Variants in STRIP2 observed in about 807,000 individuals in gnomAD.
STRIP2 encodes the protein striatin-interacting protein 2.
In STRIP2, 84 loss-of-function variants were observed where a neutral mutation model predicts 107.1. The ratio of observed to expected loss-of-function variants is 0.78; its 90% CI spans 0.66 to 0.94. The LOEUF is 0.94. Among genes scored for constraint, STRIP2 ranks in the 40% least tolerant of loss-of-function variants. The pLI, the probability that STRIP2 is intolerant of heterozygous loss-of-function variation, is 0.00. For synonymous variants in STRIP2, 394 were observed against 400.4 expected, an observed-to-expected ratio of 0.98 and a Z score of 0.19; for missense variants, 888 against 1,034.2, an observed-to-expected ratio of 0.86 and a Z score of 1.94.
Position 129,458,593 on chromosome 7 carries a change from C to A in STRIP2, c.1275-119C>A. On this transcript the variant is annotated intron_variant, in intron 10 of 20. Coordinates refer to ENST00000249344, the MANE Select transcript of STRIP2 (RefSeq NM_020704.3). The surrounding 1 kb of genome is among the most constrained non-coding windows in gnomAD (Gnocchi z 4.6). ...GGTTTGAAATTCCTTCTGTTGATTG[C>A]TGCCTTTTTCCACTGCTCCAGTCCT... 7.7e-7 allele frequency: 1 copy of A among 1,301,392 alleles called. No individual in the cohort carries two copies. 80.6% of individuals were successfully genotyped at this position (1,301,392 alleles called of 1,614,324 possible).
chr7:129,450,505 A>G (rs1267754320), intron 3 of STRIP2, among the ~76,000 whole-genome samples: 2 of 152,192 alleles, frequency 1.3e-5, no homozygotes, highest in South Asian at 2.1e-4. Context: ...ATTCTCAGAC[A>G]TTCTCATCCA....
In STRIP2 at chr7:129,486,996, C is replaced by CTTTT. The variant is rs544536095; in HGVS notation, c.*1198_*1201dup. 4.5e-4 allele frequency: 24 copies of CTTTT among 53,208 alleles called. 2 individuals are homozygous for CTTTT. The highest frequency in any genetic ancestry group is 5.7e-4 in the Non-Finnish European group (18 of 31,798). The allele number at this position is 53,208 out of a possible 1,614,324, so 3.3% of individuals were successfully genotyped here. A position where few individuals can be genotyped will look rare whatever the true frequency, so the allele number is the denominator to read the frequency against. On this transcript the variant is annotated 3_prime_UTR_variant, in exon 21 of 21. Transcript: ENST00000249344. ...TTTCTGATTTAGTTAGGATCATATGCTTTTTTTTTTTTTTTTTTTTTTTTT... is the reference window on the plus strand; with the variant it reads ...TTTCTGATTTAGTTAGGATCATATGCTTTTTTTTTTTTTTTTTTTTTTTTTTTTT...
At chr7:129,448,935 C>T (rs1356193389) in intron 3 of STRIP2, among the ~76,000 whole-genome samples, 2 of 152,208 alleles carry the variant, frequency 1.3e-5, no homozygotes, top group Non-Finnish European at 2.9e-5. Context: ...CTGCTGGACC[C>T]TCCCAGCTGG....
intron 3 of STRIP2, among the ~76,000 whole-genome samples, chr7:129,444,440 A>ATCTCTCCTT (rs1381838431): frequency 6.6e-6 from 1 of 152,130 alleles, no homozygotes; most frequent in Admixed American, 6.5e-5. Flanking sequence ...GGCTAGGCCC[A>ATCTCTCCTT]TCTCTCCTTT....
Position 129,480,749 on chromosome 7 carries a change from A to G in STRIP2, c.1945-36A>G, listed in dbSNP as rs371805067. On this transcript the variant is annotated intron_variant, in intron 18 of 20. Coordinates refer to ENST00000249344, the MANE Select transcript of STRIP2 (RefSeq NM_020704.3). Reference sequence around the variant, plus strand: ...GCTTCTGTGGGAATTAAAGCCTTGTAGGTATTAAGATAATGATGGATGTTC... The same window carrying G: ...GCTTCTGTGGGAATTAAAGCCTTGTGGGTATTAAGATAATGATGGATGTTC... 1.8e-4 allele frequency: 273 copies of G among 1,548,438 alleles called. 2 individuals carry two copies. The Middle Eastern group carries it at 8.7e-3, about 49-fold the overall frequency.
At chr7:129,434,704 G>T (rs1198678162) in intron 1 of STRIP2, 103 bp downstream of exon 1, 37 of 1,321,364 alleles carry the variant, frequency 2.8e-5, no homozygotes, top group Non-Finnish European at 3.4e-5. Flanking sequence ...CGGCGCGCTC[G>T]ATCAGCCCCG....
Position 129,459,586 on chromosome 7 carries a change from TG to T in STRIP2, c.1404+10del. On this transcript the variant is annotated splice_region_variant and intron_variant, in intron 12 of 20. Transcript: ENST00000249344. ...GTGTGAAGACCCTAAAGCAGGTGACTGGGGTGGGCTCTCAGTCTTCAGGGAT... is the reference window on the plus strand; with the variant it reads ...GTGTGAAGACCCTAAAGCAGGTGACTGGGTGGGCTCTCAGTCTTCAGGGAT... The T allele has an allele frequency of 6.2e-7, 1 of 1,613,254 alleles. No homozygotes were observed. The highest frequency in any genetic ancestry group is 8.5e-7 in the Non-Finnish European group (1 of 1,179,286).
chr7:129,467,365 C>T lies in STRIP2; in HGVS notation c.1792C>T (p.Gln598Ter). ...NHIYQFEYVS[Q>*]HLVFANCIPL... is the part of the protein sequence containing the mutation. ...TTTAATTCAGTTTGAATATGTATCG[C>T]AACATTTGGTATTTGCCAACTGCAT... The change falls in exon 17 of 21, where the codon CAA (glutamine) becomes TAA (stop). Residue 598 changes from glutamine to a stop codon, truncating the protein, a stop_gained. Coordinates refer to ENST00000249344, the MANE Select transcript of STRIP2 (RefSeq NM_020704.3). LOFTEE classifies it high-confidence loss of function. 6.2e-7 allele frequency: 1 copy of T among 1,613,336 alleles called. No homozygotes were observed.
In STRIP2 at chr7:129,456,735, A is replaced by G. The variant is rs2151000599; in HGVS notation, c.1038+93A>G. The stretch of plus-strand genomic sequence containing the variant: ...TGGGTGTGGTAGGAAAAAGCAGTAA[A>G]TGACCCGGCTCATCCTGCCCAGGTT... On this transcript the variant is annotated intron_variant, in intron 9 of 20. Transcript: ENST00000249344. 4.9e-6 allele frequency: 6 copies of G among 1,226,344 alleles called. No homozygotes were observed. The East Asian group carries it at 1.5e-4, about 31-fold the overall frequency. 76.0% of individuals were successfully genotyped at this position (1,226,344 alleles called of 1,614,324 possible). A position where few individuals can be genotyped will look rare whatever the true frequency, so the allele number is the denominator to read the frequency against.
Position 129,458,281 on chromosome 7 carries a change from C to A in STRIP2, c.1105C>A (p.Pro369Thr), listed in dbSNP as rs867494487. Residue 369 changes from proline (P) to threonine (T), a missense_variant, in exon 10 of 21, where the codon CCC (proline) becomes ACC (threonine). Pro to Thr is a conservative substitution (Grantham distance 38). Transcript: ENST00000249344. The surrounding 1 kb of genome is among the most constrained non-coding windows in gnomAD (Gnocchi z 4.6). ...AAGGGATCTCTTCAAGACTGAGGAG[C>A]CCGCCACAGAGGAGGAAGAGGAGTC... ...NERDLFKTEEPATEEEEESAG... is the reference protein window; with the variant it reads ...NERDLFKTEETATEEEEESAG... The A allele has an allele frequency of 6.2e-7, 1 of 1,614,182 alleles. No individual in the cohort carries two copies.
intron 13 of STRIP2, among the ~76,000 whole-genome samples, chr7:129,460,899 A>G (rs1161376913): frequency 6.6e-6 from 1 of 152,256 alleles, no homozygotes; most frequent in Non-Finnish European, 1.5e-5. Flanking sequence ...AGGACCTGTA[A>G]GCAAAGGTAG....
chr7:129,440,402 C>T lies in STRIP2; in HGVS notation c.199+311C>T, dbSNP rs951656754. 1.2e-4 allele frequency among the ~76,000 whole-genome samples: 18 copies of T among 152,172 alleles called. 1 individual carries two copies. The highest frequency in any genetic ancestry group is 4.3e-4 in the African/African-American group (18 of 41,528). On this transcript the variant is annotated intron_variant, in intron 2 of 20. Transcript: ENST00000249344. ...CTCAAATCAGTTTTCTCTCCATCTT[C>T]TCCATATTCCTTCTCTTTTTCTCTT... is the stretch of plus-strand genomic sequence containing the variant.
intron 16 of STRIP2, 138 bp downstream of exon 16, chr7:129,464,876 C>A: frequency 8.9e-7 from 1 of 1,129,164 alleles, no homozygotes; most frequent in Non-Finnish European, 1.3e-6. Context: ...GGAATCCAGC[C>A]ACCCATTGCA....
Position 129,455,329 on chromosome 7 carries a change from C to G in STRIP2, c.792C>G (p.Phe264Leu). 1.2e-6 allele frequency: 2 copies of G among 1,613,926 alleles called. No homozygotes were observed. Among genetic ancestry groups the G allele is most frequent in the East Asian group, 2.2e-5 (1 of 44,858 alleles). The change falls in exon 8 of 21, where the codon TTC becomes TTG. Residue 264 changes from phenylalanine to leucine, a missense_variant. By Grantham distance (22) the Phe-to-Leu change is conservative (BLOSUM62 0). Coordinates refer to ENST00000249344, the MANE Select transcript of STRIP2 (RefSeq NM_020704.3). ...TCTGCAGTGGCCTGGCTCCTCACTT[C>G]CCCATAAAGAAGGTCCTGCTCCTGC... The part of the protein sequence containing the change: ...TKFCSGLAPH[F>L]PIKKVLLLLW...
intron 15 of STRIP2, 75 bp from the exon 16 acceptor site, chr7:129,464,537 A>C (rs1798623758): frequency 6.5e-7 from 1 of 1,537,508 alleles, no homozygotes; most frequent in Non-Finnish European, 8.9e-7. Flanking sequence ...ATTGTATCAG[A>C]CCCAAATACC....
intron 18 of STRIP2, among the ~76,000 whole-genome samples, chr7:129,473,654 G>A (rs1328369083): frequency 6.6e-6 from 1 of 152,092 alleles, no homozygotes; most frequent in African/African-American, 2.4e-5. Context: ...ACAGGTGTCA[G>A]CCACCATGCC....
At chr7:129,481,455 C>G (rs558073298) in intron 19 of STRIP2, among the ~76,000 whole-genome samples, 2 of 152,078 alleles carry the variant, frequency 1.3e-5, no homozygotes, top group Admixed American at 1.3e-4. Context: ...CGAGATCATG[C>G]CACTGCACTC....
intron 1 of STRIP2, among the ~76,000 whole-genome samples, chr7:129,435,558 A>T (rs1294679179): frequency 6.6e-6 from 1 of 151,804 alleles, no homozygotes; most frequent in Non-Finnish European, 1.5e-5. Flanking sequence ...CCAGGTTTTG[A>T]CTCCTAGCCC....
chr7:129,459,064 A>G (rs2151002853), intron 11 of STRIP2, among the ~76,000 whole-genome samples: 1 of 152,298 alleles, frequency 6.6e-6, no homozygotes, highest in Middle Eastern at 3.4e-3. Flanking sequence ...TTGTTGGGTT[A>G]GATGGTTTCT....
Sources: allele counts gnomAD v4.1 joint callset (sites outside exome capture counted in the v4.1 genomes callset), GRCh38; gene constraint gnomAD v4.1.1; non-coding constraint Gnocchi (gnomAD v3.1); transcripts MANE v1.5; gene names NCBI Gene and HGNC (gene_info 2026-07-23, HGNC 2026-07-21).